SRBD1: variants seen among roughly 807,000 people sequenced by gnomAD.
SRBD1 encodes the protein S1 RNA-binding domain-containing protein 1.
Under a neutral mutation model 115.3 loss-of-function variants are expected in SRBD1, and 88 were observed. That is an observed-to-expected ratio of 0.76 (90% confidence interval 0.64 to 0.91). The LOEUF (loss-of-function observed/expected upper bound fraction) is 0.91, where lower values mean the gene tolerates loss of function less well. SRBD1 is among the 40% of genes least tolerant of loss of function. SRBD1 has a pLI of 0.00. For missense variants in SRBD1, 1,385 were observed against 1,177.4 expected, an observed-to-expected ratio of 1.18 and a Z score of -2.58; for synonymous variants, 509 against 407.7, an observed-to-expected ratio of 1.25 and a Z score of -2.99.
At position 45,496,741 on chromosome 2, in the gene SRBD1, T is replaced by C. The variant is rs139591738; in HGVS notation, c.1875-8410A>G. 5.3e-5 allele frequency among the ~76,000 whole-genome samples: 8 copies of C among 152,274 alleles called. 1 individual carries two copies. The East Asian group carries it at 1.5e-3, about 29-fold the overall frequency. ...TTATCTCTCTCCCCACAACCTCTAC[T>C]TTCCTCTGAACTTATACCTCAGCAG... On this transcript the variant is annotated intron_variant, in intron 14 of 20. Transcript: ENST00000263736.
intron 8 of SRBD1, 105 bp downstream of exon 8, chr2:45,574,522 A>G: frequency 2.9e-6 from 3 of 1,025,388 alleles, no homozygotes; most frequent in Non-Finnish European, 4.2e-6. Context: ...TTTAAAAAAA[A>G]GTCTGAAAAC....
intron 1 of SRBD1, among the ~76,000 whole-genome samples, chr2:45,607,251 T>C (rs1386257353): frequency 6.6e-6 from 1 of 152,182 alleles, no homozygotes; most frequent in Admixed American, 6.5e-5. Context: ...TGGAGGAAGT[T>C]AGTGTATGAC....
intron 16 of SRBD1, among the ~76,000 whole-genome samples, chr2:45,473,797 TCTTTA>T (rs987590326): frequency 3.4e-4 from 52 of 152,370 alleles, no homozygotes; most frequent in African/African-American, 1.2e-3. Flanking sequence ...CTTTTGTTAT[TCTTTA>T]CTTCTGCATT....
chr2:45,574,304 C>G (rs1276044789), intron 8 of SRBD1, among the ~76,000 whole-genome samples: 8 of 152,076 alleles, frequency 5.3e-5, no homozygotes, highest in African/African-American at 1.9e-4. Context: ...AAAGCAATGC[C>G]ACTCTAAAGG....
At chr2:45,507,112 G>T (rs1423377187) in intron 14 of SRBD1, among the ~76,000 whole-genome samples, 2 of 152,150 alleles carry the variant, frequency 1.3e-5, no homozygotes, top group Admixed American at 1.3e-4. Flanking sequence ...GTCAAGAAAT[G>T]TTTATTGCTT....
intron 14 of SRBD1, among the ~76,000 whole-genome samples, chr2:45,530,367 A>G (rs528103354): frequency 3.3e-5 from 5 of 152,170 alleles, no homozygotes; most frequent in South Asian, 2.1e-4. Flanking sequence ...TTCATGTGCT[A>G]TAACAATGCT....
chr2:45,427,108 A>T (rs1351357549), intron 16 of SRBD1, among the ~76,000 whole-genome samples: 1 of 152,236 alleles, frequency 6.6e-6, no homozygotes, highest in Non-Finnish European at 1.5e-5. Context: ...CCCTGAAAAA[A>T]GGTTAGAGGA....
At chr2:45,403,957 T>C (rs1667358367) in intron 19 of SRBD1, among the ~76,000 whole-genome samples, 1 of 152,132 alleles carries the variant, frequency 6.6e-6, no homozygotes, top group African/African-American at 2.4e-5. Flanking sequence ...CAGAGCACTG[T>C]GGCAGGGGCT....
chr2:45,541,967 C>T (rs1001886461), intron 14 of SRBD1, among the ~76,000 whole-genome samples: 7 of 152,254 alleles, frequency 4.6e-5, no homozygotes, highest in Admixed American at 1.3e-4. Context: ...GGCAACCTGG[C>T]CTCCAGACTT....
intron 10 of SRBD1, among the ~76,000 whole-genome samples, chr2:45,559,001 C>A (rs1352362620): frequency 1.3e-5 from 2 of 152,004 alleles, no homozygotes; most frequent in African/African-American, 4.8e-5. Context: ...CGCCCAGCCG[C>A]CACACAAATT....
intron 16 of SRBD1, among the ~76,000 whole-genome samples, chr2:45,436,615 G>GA (rs1558393453): frequency 6.6e-6 from 1 of 152,196 alleles, no homozygotes; most frequent in Non-Finnish European, 1.5e-5. Flanking sequence ...AGGTGAGAGA[G>GA]AGTGTGTGTC....
intron 1 of SRBD1, among the ~76,000 whole-genome samples, chr2:45,608,068 C>G (rs940119735): frequency 1.3e-5 from 2 of 152,188 alleles, no homozygotes; most frequent in South Asian, 4.1e-4. Flanking sequence ...CCCACACAGA[C>G]TACCATATAC....
intron 16 of SRBD1, among the ~76,000 whole-genome samples, chr2:45,460,115 C>A (rs527279090): frequency 6.6e-6 from 1 of 152,268 alleles, no homozygotes; most frequent in East Asian, 1.9e-4. Flanking sequence ...AAAACACGTC[C>A]TGGCTCACTG....
intron 19 of SRBD1, among the ~76,000 whole-genome samples, chr2:45,410,059 A>G (rs1667553347): frequency 6.6e-6 from 1 of 152,234 alleles, no homozygotes; most frequent in African/African-American, 2.4e-5. Context: ...ACTCAATAAT[A>G]AAAGGGCAAA....
chr2:45,479,748 C>A (rs1320734827), intron 15 of SRBD1, among the ~76,000 whole-genome samples: 2 of 152,136 alleles, frequency 1.3e-5, no homozygotes, highest in East Asian at 1.9e-4. Flanking sequence ...AAGGTGGCTA[C>A]AATAAACAGC....
chr2:45,503,440 T>C (rs977144803), intron 14 of SRBD1, among the ~76,000 whole-genome samples: 3 of 152,094 alleles, frequency 2.0e-5, no homozygotes, highest in African/African-American at 7.2e-5. Flanking sequence ...CTTTACAAAT[T>C]AATAAGATAA....
At chr2:45,420,615 T>C (rs866209581) in intron 16 of SRBD1, among the ~76,000 whole-genome samples, 1 of 152,228 alleles carries the variant, frequency 6.6e-6, no homozygotes, top group Non-Finnish European at 1.5e-5. Context: ...ATAAGCAATC[T>C]AAACTGGCTA....
intron 4 of SRBD1, among the ~76,000 whole-genome samples, chr2:45,588,120 C>G (rs1360456637): frequency 6.6e-6 from 1 of 152,206 alleles, no homozygotes; most frequent in Non-Finnish European, 1.5e-5. Context: ...TACCTGTTCT[C>G]CCTGCATCCA....
chr2:45,418,861 G>A (rs1363657229), intron 17 of SRBD1, among the ~76,000 whole-genome samples: 1 of 152,092 alleles, frequency 6.6e-6, no homozygotes. Context: ...TTATGTTTCT[G>A]GATAAAGTAA....
Sources: allele counts gnomAD v4.1 joint callset (sites outside exome capture counted in the v4.1 genomes callset), GRCh38; gene constraint gnomAD v4.1.1; transcripts MANE v1.5; gene names NCBI Gene and HGNC (gene_info 2026-07-23, HGNC 2026-07-21).